The following RALGPS2 variants were observed in gnomAD, a reference collection of about 807,000 sequenced individuals.
RALGPS2 encodes ras-specific guanine nucleotide-releasing factor RalGPS2.
A neutral mutation model predicts 86.8 loss-of-function variants in RALGPS2; 43 were observed. That is an observed-to-expected ratio of 0.50 (90% CI 0.39 to 0.64). The LOEUF (loss-of-function observed/expected upper bound fraction) is 0.64, where lower values mean the gene tolerates loss of function less well. Among genes scored for constraint, RALGPS2 ranks in the 30% least tolerant of loss-of-function variants. The probability of loss-of-function intolerance (pLI) is 0.00; values close to 1 mark genes in which losing one functional copy is unlikely to be tolerated. For missense variants in RALGPS2, 536 were observed against 694.6 expected (o/e 0.77, Z 2.57); for synonymous variants, 243 against 231.3 (o/e 1.05, Z -0.46).
At chr1:178,862,178 A>G (rs1340249466) in intron 8 of RALGPS2, among the ~76,000 whole-genome samples, 4 of 152,052 alleles carry the variant, frequency 2.6e-5, no homozygotes, top group Non-Finnish European at 5.9e-5. Flanking sequence ...CGGCGAGGAT[A>G]TTAATAATGA....
chr1:178,773,274 A>T (rs1480153593), intron 1 of RALGPS2, among the ~76,000 whole-genome samples: 2 of 152,094 alleles, frequency 1.3e-5, no homozygotes, highest in Non-Finnish European at 2.9e-5. Context: ...GACCCCAGGA[A>T]TTGGAGGCTG....
At chr1:178,744,036 A>G (rs919892991) in intron 1 of RALGPS2, among the ~76,000 whole-genome samples, 6 of 152,226 alleles carry the variant, frequency 3.9e-5, no homozygotes, top group Admixed American at 1.3e-4. Flanking sequence ...TTCTTACTCA[A>G]ACTAGACAGA....
At chr1:178,833,247 GGA>G (rs1237742315) in intron 7 of RALGPS2, among the ~76,000 whole-genome samples, 175 bp from the exon 8 acceptor site, 2 of 151,736 alleles carry the variant, frequency 1.3e-5, no homozygotes, top group Non-Finnish European at 2.9e-5. Context: ...TAATGAATTT[GGA>G]TTATTAATAG....
intron 4 of RALGPS2, among the ~76,000 whole-genome samples, chr1:178,797,330 A>C (rs1033054174): frequency 7.2e-5 from 11 of 152,058 alleles, no homozygotes; most frequent in African/African-American, 2.4e-4. Flanking sequence ...TTTTAATCAC[A>C]GAGAAATTTA....
intron 1 of RALGPS2, among the ~76,000 whole-genome samples, chr1:178,728,862 A>G (rs1050904260): frequency 2.6e-5 from 4 of 152,212 alleles, no homozygotes; most frequent in Non-Finnish European, 5.9e-5. Context: ...GGAATTTAAA[A>G]TGTGTTACAT....
chr1:178,864,158 A>G (rs1658221517), intron 8 of RALGPS2, among the ~76,000 whole-genome samples: 1 of 152,196 alleles, frequency 6.6e-6, no homozygotes, highest in South Asian at 2.1e-4. Context: ...TGAAACAAAG[A>G]TGAATTATTC....
chr1:178,877,598 T>C lies in RALGPS2; in HGVS notation c.708T>C (p.Leu236=), dbSNP rs1335018844. 6.2e-7 allele frequency: 1 copy of C among 1,613,418 alleles called. No individual in the cohort carries two copies. Among genetic ancestry groups the C allele is most frequent in the Admixed American group, 1.7e-5 (1 of 59,990 alleles). Reference sequence around the variant, plus strand: ...GATCAAATTTAATGAATAATATCCTTCGAATAATTTCTGATTTACAGCAGT... The same window carrying C: ...GATCAAATTTAATGAATAATATCCTCCGAATAATTTCTGATTTACAGCAGT... The part of the protein sequence containing the change: ...EQRSNLMNNI[L]RIISDLQQSC... Residue 236 remains leucine, a synonymous_variant, in exon 9 of 20, where the codon CTT becomes CTC. Coordinates refer to ENST00000367635, the MANE Select transcript of RALGPS2 (RefSeq NM_152663.5).
chr1:178,763,536 TA>T (rs973380558), intron 1 of RALGPS2, among the ~76,000 whole-genome samples: 1 of 152,218 alleles, frequency 6.6e-6, no homozygotes, highest in African/African-American at 2.4e-5. Context: ...CAGTGTTTTA[TA>T]ATCTTCATTG....
chr1:178,760,531 C>CT (rs1288895880), intron 1 of RALGPS2, among the ~76,000 whole-genome samples: 1 of 152,116 alleles, frequency 6.6e-6, no homozygotes, highest in East Asian at 1.9e-4. Context: ...TTTGCATGAT[C>CT]TTTCTCCAGC....
chr1:178,768,178 A>G (rs1652608637), intron 1 of RALGPS2, among the ~76,000 whole-genome samples: 1 of 151,512 alleles, frequency 6.6e-6, no homozygotes, highest in Non-Finnish European at 1.5e-5. Context: ...TTTTTCTGTC[A>G]TTTCTGAGTT....
intron 1 of RALGPS2, among the ~76,000 whole-genome samples, chr1:178,728,096 C>T (rs1242110959): frequency 6.6e-6 from 1 of 152,080 alleles, no homozygotes; most frequent in African/African-American, 2.4e-5. Flanking sequence ...TCAGATGATG[C>T]GTAGTTTACA....
chr1:178,797,051 ATT>A (rs1654226137), intron 4 of RALGPS2, among the ~76,000 whole-genome samples: 1 of 152,186 alleles, frequency 6.6e-6, no homozygotes, highest in South Asian at 2.1e-4. Context: ...ATGGAGGCTT[ATT>A]TACATAGTAT....
chr1:178,781,668 T>G lies in RALGPS2; in HGVS notation c.58-2750T>G, dbSNP rs960342006. Among the ~76,000 whole-genome samples the G allele has an allele frequency of 2.0e-5, 3 of 152,230 alleles. No homozygotes were observed. The South Asian group carries it at 6.2e-4, about 31-fold the overall frequency. ...CAATAAAATTGTCATGATGGTTTAC[T>G]AACTTGGATGAGTTAAAAACTTGGA... On this transcript the variant is annotated intron_variant, in intron 2 of 19. Coordinates refer to ENST00000367635, the MANE Select transcript of RALGPS2 (RefSeq NM_152663.5).
In RALGPS2 at chr1:178,847,846, G is replaced by T. The variant is rs569014788; in HGVS notation, c.607+14296G>T. Among the ~76,000 whole-genome samples the T allele has an allele frequency of 5.9e-5, 9 of 152,316 alleles. No homozygotes were observed. The East Asian group carries it at 1.5e-3, about 26-fold the overall frequency. The stretch of plus-strand genomic sequence containing the variant: ...TATTCTACGAGGCATGAAGCCCAGA[G>T]ATAGTGTATTTGTAGGTGTCTACTA... On this transcript the variant is annotated intron_variant, in intron 8 of 19. Transcript: ENST00000367635.
At chr1:178,833,366 C>A in intron 7 of RALGPS2, 58 bp from the exon 8 acceptor site, 1 of 1,409,962 alleles carries the variant, frequency 7.1e-7, no homozygotes, top group East Asian at 2.8e-5. Flanking sequence ...CAGTTCAGGT[C>A]TTTGCTACAA....
chr1:178,730,215 T>G (rs1320402114), intron 1 of RALGPS2, among the ~76,000 whole-genome samples: 3 of 152,212 alleles, frequency 2.0e-5, no homozygotes, highest in Non-Finnish European at 4.4e-5. Context: ...GTGCTGAGAT[T>G]ACAGGTGTGA....
At chr1:178,744,817 C>CAAAA (rs148175568) in intron 1 of RALGPS2, among the ~76,000 whole-genome samples, 119 of 65,742 alleles carry the variant, frequency 1.8e-3, no homozygotes, top group African/African-American at 3.4e-3. Flanking sequence ...GACTCCATCT[C>CAAAA]AAAAAAAAAA....
At chr1:178,833,583 A>G (rs756150310) in intron 8 of RALGPS2, 33 bp downstream of exon 8, 2 of 1,516,582 alleles carry the variant, frequency 1.3e-6, no homozygotes, top group East Asian at 2.7e-5. Context: ...TTTTGTTTCT[A>G]GTTGTTACTC....
chr1:178,827,309 A>G (rs1255106354), intron 7 of RALGPS2, among the ~76,000 whole-genome samples: 2 of 152,232 alleles, frequency 1.3e-5, no homozygotes, highest in Non-Finnish European at 2.9e-5. Context: ...AAACAATTCT[A>G]AAATTCACAT....
Sources: gnomAD v4.1 joint callset for allele counts (sites outside exome capture counted in the v4.1 genomes callset) on GRCh38, gnomAD v4.1.1 for gene constraint, MANE v1.5 for transcripts, NCBI Gene and HGNC (gene_info 2026-07-23, HGNC 2026-07-21) for gene names.